The following COL15A1 variants were observed in gnomAD, a reference collection of about 807,000 sequenced individuals.
COL15A1 encodes collagen alpha-1(XV) chain.
COL15A1 carries 111 observed loss-of-function variants against 165.9 expected under a neutral mutation model. That is an observed-to-expected ratio of 0.67 (90% CI 0.57 to 0.78). COL15A1 has a LOEUF of 0.78. Ranked by LOEUF, COL15A1 falls within the 30% of genes least tolerant of loss-of-function variation. The pLI is 0.00. For synonymous variants in COL15A1, 659 were observed against 674.8 expected (o/e 0.98, Z 0.36); for missense variants, 1,745 against 1,789.7 (o/e 0.98, Z 0.45).
intron 28 of COL15A1, among the ~76,000 whole-genome samples, chr9:99,048,624 T>G (rs956386409): frequency 5.9e-5 from 9 of 151,970 alleles, no homozygotes; most frequent in Non-Finnish European, 7.4e-5. Context: ...CATGTGCCAT[T>G]TTGGTGTGCT....
At chr9:98,987,705 C>T (rs1047982910) in intron 4 of COL15A1, among the ~76,000 whole-genome samples, 11 of 152,168 alleles carry the variant, frequency 7.2e-5, no homozygotes, top group Admixed American at 4.6e-4. Context: ...CTATAAAAAA[C>T]GATCCTCAAC....
In COL15A1 at chr9:99,024,912, G is replaced by T. The variant is rs144308034; in HGVS notation, c.1893G>T (p.Gly631=). Residue 631 remains glycine (G), a synonymous_variant, in exon 15 of 42, where the codon GGG becomes GGT. Transcript: ENST00000375001. ...PGPPGPPGLP[G]IPGKPGTDVF... The stretch of plus-strand genomic sequence containing the variant: ...CCCCAGGGCCACCTGGCTTACCTGG[G>T]ATTCCAGGAAAACCAGGAACTGATG... 8.7e-6 allele frequency: 14 copies of T among 1,613,976 alleles called. No individual in the cohort carries two copies. Among genetic ancestry groups the T allele is most frequent in the Admixed American group, 8.3e-5 (5 of 60,020 alleles).
chr9:99,036,655 G>A (rs1374918986), intron 21 of COL15A1, among the ~76,000 whole-genome samples: 1 of 152,224 alleles, frequency 6.6e-6, no homozygotes, highest in Non-Finnish European at 1.5e-5. Context: ...CATTAGAGAT[G>A]TTGGGGTCTT....
chr9:99,013,542 T>G (rs1838878588), intron 9 of COL15A1, among the ~76,000 whole-genome samples: 1 of 139,172 alleles, frequency 7.2e-6, no homozygotes, highest in South Asian at 2.7e-4. Context: ...AACAATAACT[T>G]CCTAGGAGAA....
At chr9:98,971,862 G>A (rs554299784) in intron 2 of COL15A1, among the ~76,000 whole-genome samples, 6 of 152,066 alleles carry the variant, frequency 3.9e-5, no homozygotes, top group South Asian at 2.1e-4. Context: ...GCCACCCCAC[G>A]CTCTCTCTCT....
At position 99,037,479 on chromosome 9, in the gene COL15A1, G is replaced by C. The variant is rs530818954; in HGVS notation, c.2409+1083G>C. Among the ~76,000 whole-genome samples, 31 of 152,338 alleles carry C rather than the reference G, an allele frequency of 2.0e-4. No homozygotes were observed. In the South Asian group the frequency reaches 6.4e-3, roughly 32 times the overall value. On this transcript the variant is annotated intron_variant, in intron 21 of 41. Transcript: ENST00000375001. Reference sequence around the variant, plus strand: ...CACACCTGTAATCTCAGCACTTTGAGAGGCCGAGGCAGGAGGACTGCTTGA... The same window carrying C: ...CACACCTGTAATCTCAGCACTTTGACAGGCCGAGGCAGGAGGACTGCTTGA...
chr9:98,976,284 G>A (rs1838141287), intron 2 of COL15A1, among the ~76,000 whole-genome samples: 1 of 152,214 alleles, frequency 6.6e-6, no homozygotes, highest in African/African-American at 2.4e-5. Context: ...GTCAGATGCA[G>A]CCCCAGGAAG....
At chr9:99,048,029 G>A (rs759138517) in intron 28 of COL15A1, 29 bp downstream of exon 28, 1 of 1,312,124 alleles carries the variant, frequency 7.6e-7, no homozygotes, top group South Asian at 1.2e-5. Context: ...GGAGCCGGAG[G>A]TTGGTGTCCA....
intron 5 of COL15A1, among the ~76,000 whole-genome samples, chr9:98,993,428 T>C (rs889463844): frequency 6.6e-6 from 1 of 152,186 alleles, no homozygotes; most frequent in African/African-American, 2.4e-5. Context: ...TTAAGGGGAT[T>C]GCCCTGGGCT....
intron 21 of COL15A1, among the ~76,000 whole-genome samples, chr9:99,037,288 A>G (rs1038885894): frequency 1.3e-5 from 2 of 152,188 alleles, no homozygotes; most frequent in Admixed American, 1.3e-4. Context: ...CACTGGCCTC[A>G]TAGTGCTGGT....
chr9:99,007,419 C>T (rs1838780854), intron 9 of COL15A1, among the ~76,000 whole-genome samples: 1 of 152,164 alleles, frequency 6.6e-6, no homozygotes, highest in African/African-American at 2.4e-5. Context: ...ACATTTCCCC[C>T]TTTTTAAAAT....
chr9:99,034,638 T>TCCCCG, intron 17 of COL15A1, 54 bp downstream of exon 17: 1 of 537,494 alleles, frequency 1.9e-6, no homozygotes, highest in Non-Finnish European at 2.5e-6. Context: ...CCTCCTCCCC[T>TCCCCG]TTCTTTGAGT....
chr9:99,005,792 C>T (rs1004651632), intron 9 of COL15A1, among the ~76,000 whole-genome samples: 8 of 152,316 alleles, frequency 5.3e-5, no homozygotes, highest in East Asian at 1.9e-4. Flanking sequence ...GTCCCCAGCC[C>T]GGGCAATTGC....
In COL15A1 at chr9:99,024,282, T is replaced by TG. The variant is rs1215766371; in HGVS notation, c.1855-592_1855-591insG. On this transcript the variant is annotated intron_variant, in intron 14 of 41. Coordinates refer to ENST00000375001, the MANE Select transcript of COL15A1 (RefSeq NM_001855.5). ...CACCACAAGCAGTTTTTTTTGTTTT[T>TG]TTGTTTTTTTTTTTTTGAGATGGAG... 2.2e-4 allele frequency among the ~76,000 whole-genome samples: 30 copies of TG among 136,116 alleles called. 2 individuals are homozygous for TG. Among genetic ancestry groups the TG allele is most frequent in the South Asian group, 7.4e-4 (3 of 4,034 alleles). 89.3% of individuals were successfully genotyped at this position (136,116 alleles called of 152,430 possible).
At chr9:99,037,765 C>T (rs1179500296) in intron 21 of COL15A1, among the ~76,000 whole-genome samples, 1 of 152,028 alleles carries the variant, frequency 6.6e-6, no homozygotes, top group Non-Finnish European at 1.5e-5. Context: ...TATCTTTGAG[C>T]AGGGATTGGA....
At chr9:99,007,481 T>A (rs1295622366) in intron 9 of COL15A1, among the ~76,000 whole-genome samples, 1 of 152,216 alleles carries the variant, frequency 6.6e-6, no homozygotes, top group African/African-American at 2.4e-5. Context: ...CAGGTTTAGT[T>A]GATTTCTCAT....
intron 2 of COL15A1, among the ~76,000 whole-genome samples, chr9:98,954,438 A>C (rs1837743241): frequency 6.6e-6 from 1 of 152,188 alleles, no homozygotes. Flanking sequence ...TTTAGTGTTT[A>C]GTTGATGGCT....
rs761534425 is a variant in COL15A1 at position 99,056,394 on chromosome 9, C to G, written c.3327C>G (p.Ile1109Met). 1.2e-6 allele frequency: 2 copies of G among 1,611,102 alleles called. No homozygotes were observed. Among genetic ancestry groups the G allele is most frequent in the Non-Finnish European group, 1.7e-6 (2 of 1,179,530 alleles). Residue 1109 changes from isoleucine to methionine, a missense_variant, in exon 35 of 42, where the codon ATC (isoleucine) becomes ATG (methionine). Coordinates refer to ENST00000375001, the MANE Select transcript of COL15A1 (RefSeq NM_001855.5). Reference protein sequence around the residue: ...GPPGPPGPPAILGAAVALPGP... With the variant: ...GPPGPPGPPAMLGAAVALPGP... ...CGGGGCCACCAGGACCTCCAGCTAT[C>G]CTGGGAGCAGGTTAGTGCCGTAAAC...
intron 12 of COL15A1, among the ~76,000 whole-genome samples, chr9:99,020,699 G>A (rs1028600856): frequency 6.6e-6 from 1 of 152,200 alleles, no homozygotes; most frequent in African/African-American, 2.4e-5. Flanking sequence ...TCTCTGTCGA[G>A]TATCAAAGGG....
Sources: allele counts gnomAD v4.1 joint callset (sites outside exome capture counted in the v4.1 genomes callset), GRCh38; gene constraint gnomAD v4.1.1; transcripts MANE v1.5; gene names NCBI Gene and HGNC (gene_info 2026-07-23, HGNC 2026-07-21).